Variants in GALR1 observed in about 807,000 individuals in gnomAD.
The protein encoded by GALR1 is galanin receptor 1.
In GALR1, 11 loss-of-function variants were observed where a neutral mutation model predicts 17.9. The ratio of observed to expected loss-of-function variants is 0.62; its 90% CI spans 0.39 to 1.02. The LOEUF (loss-of-function observed/expected upper bound fraction) is 1.02, where lower values mean the gene tolerates loss of function less well. Among genes scored for constraint, GALR1 ranks in the 50% least tolerant of loss-of-function variants. GALR1 has a pLI of 0.01. For synonymous variants in GALR1, 206 were observed against 205.7 expected, an observed-to-expected ratio of 1.00 and a Z score of -0.01; for missense variants, 441 against 456.9, an observed-to-expected ratio of 0.97 and a Z score of 0.32.
chr18:77,251,253 G>A, intron 1 of GALR1, 39 bp downstream of exon 1: 1 of 1,559,556 alleles, frequency 6.4e-7, no homozygotes, highest in Non-Finnish European at 8.7e-7. Context: ...GCGAGGGAGG[G>A]CGGAGGGCCG....
chr18:77,251,198 G>C lies in GALR1; in HGVS notation c.650G>C (p.Cys217Ser). Residue 217 changes from cysteine to serine, a missense_variant, in exon 1 of 3, where the codon TGC (cysteine) becomes TCC (serine). By Grantham distance (112) the Cys-to-Ser change is moderately radical. Coordinates refer to ENST00000299727, the MANE Select transcript of GALR1 (RefSeq NM_001480.4). ...FGYLLPLLLI[C>S]FCYAKVLNHL... ...TACCTGCTGCCGCTCCTGCTCATCTGCTTCTGCTATGCCAAGGTGCACGCC... is the reference window on the plus strand; with the variant it reads ...TACCTGCTGCCGCTCCTGCTCATCTCCTTCTGCTATGCCAAGGTGCACGCC... 6.2e-7 allele frequency: 1 copy of C among 1,607,764 alleles called. No homozygotes were observed. Among genetic ancestry groups the C allele is most frequent in the Non-Finnish European group, 8.5e-7 (1 of 1,175,812 alleles).
Position 77,273,926 on chromosome 18 carries a change from T to A in GALR1, c.*5024T>A, listed in dbSNP as rs1321219485. On this transcript the variant is annotated 3_prime_UTR_variant, in exon 3 of 3. Transcript: ENST00000299727. ...GCACAGTAAAGAAAAGATCCCTTGC[T>A]GATGGAATGGACTGGAACTGAGCTC... 2 of 152,200 alleles carry A rather than the reference T, an allele frequency of 1.3e-5. No homozygotes were observed. Among genetic ancestry groups the A allele is most frequent in the African/African-American group, 4.8e-5 (2 of 41,450 alleles). The allele number at this position is 152,200 out of a possible 1,614,324, so 9.4% of individuals were successfully genotyped here. A position where few individuals can be genotyped will look rare whatever the true frequency, so the allele number is the denominator to read the frequency against.
At chr18:77,258,795 T>TGGTG (rs1912689906) in intron 2 of GALR1, among the ~76,000 whole-genome samples, 1 of 136,374 alleles carries the variant, frequency 7.3e-6, no homozygotes. Flanking sequence ...GTGGTGGTGG[T>TGGTG]GATGGTGGTG....
chr18:77,262,219 A>G (rs575736152), intron 2 of GALR1, among the ~76,000 whole-genome samples: 3,428 of 118,250 alleles, frequency 0.029, 132 homozygotes, highest in African/African-American at 0.1. Context: ...TATCCGAATT[A>G]AAAAAAAAAA....
intron 2 of GALR1, among the ~76,000 whole-genome samples, chr18:77,264,874 G>A (rs527680825): frequency 2.0e-5 from 3 of 152,244 alleles, no homozygotes; most frequent in East Asian, 3.9e-4. Context: ...TCATGATTCA[G>A]TTACCTCCTT....
Position 77,270,112 on chromosome 18 carries a change from T to A in GALR1, c.*1210T>A, listed in dbSNP as rs1401936415. ...GTGTGTTTACAATGAGAAAATGGCA[T>A]GAAAATATTAAATTGTCTTGTATCG... On this transcript the variant is annotated 3_prime_UTR_variant, in exon 3 of 3. Transcript: ENST00000299727. The A allele has an allele frequency of 1.3e-5, 2 of 152,230 alleles. No individual in the cohort carries two copies. Among genetic ancestry groups the A allele is most frequent in the African/African-American group, 2.4e-5 (1 of 41,470 alleles). The allele number at this position is 152,230 out of a possible 1,614,324, so 9.4% of individuals were successfully genotyped here. A position where few individuals can be genotyped will look rare whatever the true frequency, so the allele number is the denominator to read the frequency against.
chr18:77,256,235 A>AT lies in GALR1; in HGVS notation c.732+12_732+13insT. On this transcript the variant is annotated intron_variant, in intron 2 of 2. Coordinates refer to ENST00000299727, the MANE Select transcript of GALR1 (RefSeq NM_001480.4). ...CATCCAAGAAAAAGGTAATGATCACAAATATATATATATATGTTACTTTTC... is the reference window on the plus strand; with the variant it reads ...CATCCAAGAAAAAGGTAATGATCACATAATATATATATATATGTTACTTTTC... 4 of 1,405,768 alleles carry AT rather than the reference A, an allele frequency of 2.8e-6. No homozygotes were observed. Among genetic ancestry groups the AT allele is most frequent in the Non-Finnish European group, 4.0e-6 (4 of 992,874 alleles). The allele number at this position is 1,405,768 out of a possible 1,614,324, so 87.1% of individuals were successfully genotyped here. A position where few individuals can be genotyped will look rare whatever the true frequency, so the allele number is the denominator to read the frequency against.
At chr18:77,252,788 C>T (rs116599835) in intron 1 of GALR1, among the ~76,000 whole-genome samples, 1,772 of 151,490 alleles carry the variant, frequency 0.012, 40 homozygotes, top group African/African-American at 0.041. Context: ...ACGGAGGGTG[C>T]AGTGAGCCGA....
At chr18:77,255,689 C>T (rs62105210) in intron 1 of GALR1, among the ~76,000 whole-genome samples, 24,387 of 152,232 alleles carry the variant, frequency 0.16, 2,272 homozygotes, top group East Asian at 0.31. Context: ...GCCTGCTTTC[C>T]GCATCAGATG....
In GALR1 at chr18:77,274,474, C is replaced by T. The variant is rs375051821; in HGVS notation, c.*5572C>T. The T allele has an allele frequency of 3.9e-5, 6 of 152,218 alleles. No homozygotes were observed. The highest frequency in any genetic ancestry group is 1.9e-4 in the East Asian group (1 of 5,186). The allele number at this position is 152,218 out of a possible 1,614,324, so 9.4% of individuals were successfully genotyped here. ...TTCTGCAATGGGATACCAAAGATGA[C>T]GTGTAAGGCCTTCAGTATATAATGG... On this transcript the variant is annotated 3_prime_UTR_variant, in exon 3 of 3. Transcript: ENST00000299727.
chr18:77,261,177 A>C (rs1244917855), intron 2 of GALR1, among the ~76,000 whole-genome samples: 1 of 152,142 alleles, frequency 6.6e-6, no homozygotes, highest in East Asian at 1.9e-4. Context: ...CTTTCAGCAG[A>C]AGGAGCACAA....
intron 2 of GALR1, among the ~76,000 whole-genome samples, chr18:77,261,789 T>C (rs1163139036): frequency 1.3e-5 from 2 of 152,150 alleles, no homozygotes; most frequent in Non-Finnish European, 2.9e-5. Context: ...TTTTATGTAA[T>C]TCATCAGTGG....
chr18:77,258,531 GTGGCGA>G (rs1362361194), intron 2 of GALR1, among the ~76,000 whole-genome samples: 1 of 147,470 alleles, frequency 6.8e-6, no homozygotes, highest in Non-Finnish European at 1.5e-5. Context: ...TGTGGTGATG[GTGGCGA>G]TTGTGGTGGT....
Position 77,274,928 on chromosome 18 carries a change from T to C in GALR1, c.*6026T>C, listed in dbSNP as rs1913126181. The C allele has an allele frequency of 6.6e-6, 1 of 152,270 alleles. No homozygotes were observed. The highest frequency in any genetic ancestry group is 6.5e-5 in the Admixed American group (1 of 15,292). The allele number at this position is 152,270 out of a possible 1,614,324, so 9.4% of individuals were successfully genotyped here. Reference sequence around the variant, plus strand: ...TGAGATCTTCCAGTTTCTGTGAATGTTGAGGGGTTCACAAAGTGGCTTGGC... The same window carrying C: ...TGAGATCTTCCAGTTTCTGTGAATGCTGAGGGGTTCACAAAGTGGCTTGGC... On this transcript the variant is annotated 3_prime_UTR_variant, in exon 3 of 3. Transcript: ENST00000299727.
In GALR1 at chr18:77,250,561, G is replaced by A. The variant is rs1045154905; in HGVS notation, c.13G>A (p.Val5Ile). The part of the protein sequence containing the change: MELA[V>I]GNLSEGNASW... ...AGCCCCGCGGGCCATGGAGCTGGCG[G>A]TCGGGAACCTCAGCGAGGGCAACGC... The change falls in exon 1 of 3, where the codon GTC (valine) becomes ATC (isoleucine). Residue 5 changes from valine to isoleucine, a missense_variant. By Grantham distance (29) the Val-to-Ile change is conservative. Coordinates refer to ENST00000299727, the MANE Select transcript of GALR1 (RefSeq NM_001480.4). 11 of 1,532,740 alleles carry A rather than the reference G, an allele frequency of 7.2e-6. No homozygotes were observed. The highest frequency in any genetic ancestry group is 8.7e-6 in the Non-Finnish European group (10 of 1,144,958). 94.9% of individuals were successfully genotyped at this position (1,532,740 alleles called of 1,614,324 possible).
chr18:77,257,591 A>AT (rs1912619485), intron 2 of GALR1, among the ~76,000 whole-genome samples: 1 of 152,112 alleles, frequency 6.6e-6, no homozygotes, highest in Non-Finnish European at 1.5e-5. Context: ...ATATCTATTG[A>AT]TTTTTCCTCT....
rs552159441 is a variant in GALR1, at chr18:77,274,130, G to T, written c.*5228G>T. 8 of 152,160 alleles carry T rather than the reference G, an allele frequency of 5.3e-5. No individual in the cohort carries two copies. In the South Asian group the frequency reaches 6.2e-4, roughly 12 times the overall value. 9.4% of individuals were successfully genotyped at this position (152,160 alleles called of 1,614,324 possible). A position where few individuals can be genotyped will look rare whatever the true frequency, so the allele number is the denominator to read the frequency against. On this transcript the variant is annotated 3_prime_UTR_variant, in exon 3 of 3. Transcript: ENST00000299727. ...ACTATTTATGTGTCATCATTCCAAAGACCATTGTGATCTATGAAGCTCCTT... is the reference window on the plus strand; with the variant it reads ...ACTATTTATGTGTCATCATTCCAAATACCATTGTGATCTATGAAGCTCCTT...
At chr18:77,253,022 CCAT>C (rs1896824923) in intron 1 of GALR1, among the ~76,000 whole-genome samples, 72 of 98,906 alleles carry the variant, frequency 7.3e-4, no homozygotes, top group South Asian at 1.7e-3. Flanking sequence ...ACCACCACCA[CCAT>C]CACCACCATC....
At chr18:77,268,509 A>G in intron 2 of GALR1, 76 bp from the exon 3 acceptor site, 1 of 949,968 alleles carries the variant, frequency 1.1e-6, no homozygotes, top group East Asian at 2.4e-5. Flanking sequence ...TGTTGTAATC[A>G]ATGAATTTCC....
Sources: gnomAD v4.1 joint callset for allele counts (sites outside exome capture counted in the v4.1 genomes callset) on GRCh38, gnomAD v4.1.1 for gene constraint, MANE v1.5 for transcripts, NCBI Gene and HGNC (gene_info 2026-07-23, HGNC 2026-07-21) for gene names.